KCNG3: variants seen among roughly 807,000 people sequenced by gnomAD.
KCNG3 encodes the protein voltage-gated potassium channel regulatory subunit KCNG3.
A neutral mutation model predicts 29.0 loss-of-function variants in KCNG3; 15 were observed. That is an observed-to-expected ratio of 0.52 (90% CI 0.35 to 0.80). The LOEUF (loss-of-function observed/expected upper bound fraction) is 0.80, where lower values mean the gene tolerates loss of function less well. KCNG3 is among the 30% of genes least tolerant of loss of function. The pLI is 0.01. For missense variants in KCNG3, 512 were observed against 605.7 expected, an observed-to-expected ratio of 0.85 and a Z score of 1.62; for synonymous variants, 322 against 248.9, an observed-to-expected ratio of 1.29 and a Z score of -2.76.
At chr2:42,395,578 T>C in the KCNG3 span, among the ~76,000 whole-genome samples, 2 of 152,208 alleles carry the variant, frequency 1.3e-5, no homozygotes, top group African/African-American at 4.8e-5. Context: ...TATTGGATTG[T>C]ATGCATAAGC....
At chr2:42,406,478 C>T in the KCNG3 span, among the ~76,000 whole-genome samples, 2 of 151,292 alleles carry the variant, frequency 1.3e-5, no homozygotes, top group Non-Finnish European at 3.0e-5. Context: ...CTCGGCCTCC[C>T]AAAGTGCTGG....
At chr2:42,397,199 G>A in the KCNG3 span, among the ~76,000 whole-genome samples, 1 of 149,924 alleles carries the variant, frequency 6.7e-6, no homozygotes, top group Admixed American at 6.7e-5. Flanking sequence ...AGCCAAGATC[G>A]CACCATTGCA....
the KCNG3 span, among the ~76,000 whole-genome samples, chr2:42,414,466 C>T: frequency 2.6e-5 from 4 of 151,746 alleles, no homozygotes; most frequent in Non-Finnish European, 4.4e-5. Flanking sequence ...GATAATCTGT[C>T]TTTACCTCCT....
intron 1 of KCNG3, among the ~76,000 whole-genome samples, chr2:42,447,216 A>G (rs1472092780): frequency 1.3e-5 from 2 of 151,824 alleles, no homozygotes; most frequent in African/African-American, 4.8e-5. Context: ...TATTTGATGT[A>G]TGTACAAACA....
chr2:42,454,945 T>C (rs932249815), intron 1 of KCNG3, among the ~76,000 whole-genome samples: 3 of 152,172 alleles, frequency 2.0e-5, no homozygotes, highest in African/African-American at 7.2e-5. Flanking sequence ...CAAGATGAGA[T>C]GAAAAAGCTC....
chr2:42,487,111 C>T (rs943646398), intron 1 of KCNG3, among the ~76,000 whole-genome samples: 19 of 143,582 alleles, frequency 1.3e-4, no homozygotes, highest in Non-Finnish European at 2.7e-4. Flanking sequence ...GAGCTGAGAT[C>T]GTGCCACTGC....
chr2:42,411,688 G>A, the KCNG3 span, among the ~76,000 whole-genome samples: 1 of 152,142 alleles, frequency 6.6e-6, no homozygotes, highest in Non-Finnish European at 1.5e-5. Context: ...TTGCCATGTT[G>A]GCTAGGCTGG....
At chr2:42,492,042 A>T (rs1377237666) in intron 1 of KCNG3, among the ~76,000 whole-genome samples, 1 of 152,248 alleles carries the variant, frequency 6.6e-6, no homozygotes, top group Non-Finnish European at 1.5e-5. Context: ...AAGGTAAGAC[A>T]GTCTAAGAAA....
At chr2:42,474,080 A>C (rs1426822542) in intron 1 of KCNG3, among the ~76,000 whole-genome samples, 1 of 151,778 alleles carries the variant, frequency 6.6e-6, no homozygotes, top group Admixed American at 6.6e-5. Flanking sequence ...TGAACCCAGG[A>C]GGCAGAGGTT....
chr2:42,447,079 G>A (rs1338540731), intron 1 of KCNG3, among the ~76,000 whole-genome samples: 2 of 124,212 alleles, frequency 1.6e-5, no homozygotes, highest in Non-Finnish European at 3.5e-5. Context: ...CAGCAAACCT[G>A]CCTCAAAAAA....
intron 1 of KCNG3, among the ~76,000 whole-genome samples, chr2:42,479,958 G>A (rs1445382765): frequency 6.6e-6 from 1 of 152,214 alleles, no homozygotes; most frequent in African/African-American, 2.4e-5. Flanking sequence ...GTTGCAGTGA[G>A]CTGAGATTGC....
chr2:42,463,953 C>A, intron 1 of KCNG3: 1 of 330,542 alleles, frequency 3.0e-6, no homozygotes, highest in South Asian at 2.5e-5. Flanking sequence ...TGAACACATC[C>A]CTGGCAGATT....
chr2:42,456,015 T>C (rs1452736324), intron 1 of KCNG3, among the ~76,000 whole-genome samples: 2 of 150,602 alleles, frequency 1.3e-5, no homozygotes, highest in African/African-American at 4.8e-5. Flanking sequence ...TCATAATGTG[T>C]AAGAATATAA....
At chr2:42,448,744 C>T (rs1461534261) in intron 1 of KCNG3, among the ~76,000 whole-genome samples, 1 of 152,142 alleles carries the variant, frequency 6.6e-6, no homozygotes, top group Non-Finnish European at 1.5e-5. Flanking sequence ...AATCCCAGCA[C>T]TTTGGGAGGC....
chr2:42,466,392 A>C (rs1169116519), intron 1 of KCNG3, among the ~76,000 whole-genome samples: 1 of 152,230 alleles, frequency 6.6e-6, no homozygotes, highest in Non-Finnish European at 1.5e-5. Context: ...TCAGCAACAG[A>C]GAGAGACTCT....
At chr2:42,405,247 T>G in the KCNG3 span, among the ~76,000 whole-genome samples, 2 of 152,224 alleles carry the variant, frequency 1.3e-5, no homozygotes, top group African/African-American at 4.8e-5. Context: ...TCTCTTGACC[T>G]AATATTATTT....
chr2:42,469,079 T>C (rs1673218524), intron 1 of KCNG3, among the ~76,000 whole-genome samples: 2 of 151,742 alleles, frequency 1.3e-5, no homozygotes, highest in Admixed American at 6.6e-5. Flanking sequence ...ATAAGCTGAT[T>C]ATATTATTTC....
At chr2:42,470,097 T>C (rs1437397527) in intron 1 of KCNG3, 2 of 479,500 alleles carry the variant, frequency 4.2e-6, no homozygotes, top group African/African-American at 2.0e-5. Context: ...AAGAAAGCAG[T>C]TGCTGTTCAA....
chr2:42,396,715 G>C, the KCNG3 span, among the ~76,000 whole-genome samples: 1 of 152,178 alleles, frequency 6.6e-6, no homozygotes, highest in Non-Finnish European at 1.5e-5. Flanking sequence ...GGGGGTCACA[G>C]AGCATGGTTC....
Sources: gnomAD v4.1 joint callset for allele counts (sites outside exome capture counted in the v4.1 genomes callset) on GRCh38, gnomAD v4.1.1 for gene constraint, MANE v1.5 for transcripts, NCBI Gene and HGNC (gene_info 2026-07-23, HGNC 2026-07-21) for gene names.